NHSL3: variants seen among roughly 807,000 people sequenced by gnomAD.
The protein encoded by NHSL3 is NHS like 3.
chr1:32,770,793 C>T, the NHSL3 span: 2 of 1,591,376 alleles, frequency 1.3e-6, no homozygotes, highest in Non-Finnish European at 8.6e-7. The surrounding 1 kb of genome is among the most constrained non-coding windows in gnomAD (Gnocchi z 8.3). Flanking sequence ...GGCCACCCAC[C>T]ACTGGTGGCT....
At chr1:32,768,801 A>G in the NHSL3 span, 1 of 1,609,198 alleles carries the variant, frequency 6.2e-7, no homozygotes, top group East Asian at 2.2e-5. Flanking sequence ...GGGGAGAGGG[A>G]CAGTGGGCTC....
chr1:32,746,574 G>GA, the NHSL3 span, among the ~76,000 whole-genome samples: 2 of 152,094 alleles, frequency 1.3e-5, no homozygotes, highest in Admixed American at 1.3e-4. Context: ...TTGTAGGTGA[G>GA]AAAAAAGGGG....
the NHSL3 span, chr1:32,772,509 C>T: frequency 1.3e-6 from 2 of 1,496,810 alleles, no homozygotes; most frequent in Non-Finnish European, 1.8e-6. Context: ...GAAGTCCCGC[C>T]ATGGGGGATT....
chr1:32,771,831 G>C, the NHSL3 span: 7 of 1,610,692 alleles, frequency 4.3e-6, no homozygotes, highest in Non-Finnish European at 5.9e-6. Context: ...CCTCGCTCCT[G>C]CAGATGGTGC....
chr1:32,749,563 T>C, the NHSL3 span, among the ~76,000 whole-genome samples: 4 of 152,190 alleles, frequency 2.6e-5, no homozygotes, highest in South Asian at 2.1e-4. Flanking sequence ...GGCCATCTAG[T>C]GTCAGAGGCA....
the NHSL3 span, among the ~76,000 whole-genome samples, chr1:32,752,563 G>T: frequency 6.6e-6 from 1 of 152,086 alleles, no homozygotes; most frequent in Non-Finnish European, 1.5e-5. Context: ...AGGTGGGAGC[G>T]CCAGGCAGCC....
chr1:32,765,724 G>T, the NHSL3 span: 2 of 1,545,824 alleles, frequency 1.3e-6, no homozygotes, highest in Non-Finnish European at 1.7e-6. Flanking sequence ...CTCTGCTCTG[G>T]AGAGGCAGGG....
At chr1:32,769,356 G>C in the NHSL3 span, among the ~76,000 whole-genome samples, 1 of 152,178 alleles carries the variant, frequency 6.6e-6, no homozygotes, top group Non-Finnish European at 1.5e-5. Context: ...TAACCTCTCT[G>C]AACTTCTGTT....
chr1:32,771,639 C>T, the NHSL3 span: 11 of 1,612,926 alleles, frequency 6.8e-6, no homozygotes, highest in Non-Finnish European at 9.3e-6. Context: ...CTTCGTCCTC[C>T]TCAGCTACTG....
chr1:32,748,770 C>T, the NHSL3 span, among the ~76,000 whole-genome samples: 1 of 152,106 alleles, frequency 6.6e-6, no homozygotes, highest in Non-Finnish European at 1.5e-5. Flanking sequence ...CTATGGGATA[C>T]CTCCAATAGG....
At chr1:32,769,960 G>A in the NHSL3 span, 35 of 1,606,996 alleles carry the variant, frequency 2.2e-5, no homozygotes, top group Middle Eastern at 1.6e-4. Context: ...CACAGTGGAC[G>A]GCCGCCCCCG....
chr1:32,756,581 C>T, the NHSL3 span, among the ~76,000 whole-genome samples: 2 of 135,320 alleles, frequency 1.5e-5, no homozygotes, highest in Non-Finnish European at 3.1e-5. Flanking sequence ...ATTACGTGAG[C>T]CTGGGAGGTC....
At chr1:32,753,605 T>C in the NHSL3 span, among the ~76,000 whole-genome samples, 3 of 152,352 alleles carry the variant, frequency 2.0e-5, no homozygotes, top group Admixed American at 1.3e-4. Context: ...AAAAGGGTGC[T>C]ACTATTTTGA....
chr1:32,757,164 T>G, the NHSL3 span, among the ~76,000 whole-genome samples: 2 of 152,096 alleles, frequency 1.3e-5, no homozygotes, highest in East Asian at 3.9e-4. Context: ...TGAGTATAAG[T>G]ACTCAAGTGC....
At chr1:32,759,606 G>A in the NHSL3 span, among the ~76,000 whole-genome samples, 6 of 152,278 alleles carry the variant, frequency 3.9e-5, no homozygotes, top group Non-Finnish European at 5.9e-5. Flanking sequence ...CCTTAGAACC[G>A]GCCTGTCAGC....
chr1:32,771,532 G>A, the NHSL3 span: 17 of 1,601,506 alleles, frequency 1.1e-5, no homozygotes, highest in South Asian at 1.9e-4. Flanking sequence ...CCTGTCCATG[G>A]CTGACTTCCC....
chr1:32,752,975 T>G, the NHSL3 span, among the ~76,000 whole-genome samples: 6 of 131,044 alleles, frequency 4.6e-5, 1 homozygote, highest in Non-Finnish European at 8.2e-5. Context: ...ATATTTTGGT[T>G]TTTTTTTTTT....
chr1:32,754,966 A>G, the NHSL3 span, among the ~76,000 whole-genome samples: 1 of 117,956 alleles, frequency 8.5e-6, no homozygotes, highest in Non-Finnish European at 1.8e-5. Flanking sequence ...TCGCCGCCGC[A>G]TCTCCCCCTT....
chr1:32,754,151 G>C, the NHSL3 span: 1 of 712,076 alleles, frequency 1.4e-6, no homozygotes, highest in Admixed American at 2.0e-5. Flanking sequence ...AGCTTCTGGC[G>C]GTTCGGGCGG....
Sources: allele counts gnomAD v4.1 joint callset (sites outside exome capture counted in the v4.1 genomes callset), GRCh38; gene constraint gnomAD v4.1.1; non-coding constraint Gnocchi (gnomAD v3.1); transcripts MANE v1.5; gene names NCBI Gene and HGNC (gene_info 2026-07-23, HGNC 2026-07-21).